The following MYO18B variants were observed in gnomAD, a reference collection of about 807,000 sequenced individuals.
The protein encoded by MYO18B is myosin XVIIIB, also known as unconventional myosin-XVIIIb.
MYO18B carries 204 observed loss-of-function variants against 273.0 expected under a neutral mutation model. That is an observed-to-expected ratio of 0.75 (90% CI 0.67 to 0.84). The LOEUF (loss-of-function observed/expected upper bound fraction) is 0.84, where lower values mean the gene tolerates loss of function less well. Ranked by LOEUF, MYO18B falls within the 40% of genes least tolerant of loss-of-function variation. MYO18B has a pLI of 0.00. For synonymous variants in MYO18B, 1,330 were observed against 1,305.7 expected, an observed-to-expected ratio of 1.02 and a Z score of -0.40; for missense variants, 3,212 against 3,287.6, an observed-to-expected ratio of 0.98 and a Z score of 0.56.
intron 39 of MYO18B, among the ~76,000 whole-genome samples, chr22:25,989,626 CAAAAAAAAAAAA>C (rs56004208): frequency 0.18 from 15,735 of 88,850 alleles, 1,104 homozygotes; most frequent in South Asian, 0.26. Flanking sequence ...ACTAAAAATA[CAAAAAAAAAAAA>C]AAAAAAAAAA....
intron 34 of MYO18B, among the ~76,000 whole-genome samples, chr22:25,941,120 G>T (rs1049321200): frequency 1.3e-5 from 2 of 152,162 alleles, no homozygotes; most frequent in Non-Finnish European, 2.9e-5. Context: ...AGTAAAAATT[G>T]GAAGAGAAAC....
intron 21 of MYO18B, among the ~76,000 whole-genome samples, chr22:25,865,204 G>C (rs1248370636): frequency 1.3e-5 from 2 of 152,216 alleles, no homozygotes; most frequent in Non-Finnish European, 1.5e-5. Context: ...CACTTTGCAG[G>C]TGGGGAAGAG....
chr22:25,755,464 C>G (rs1187797815), intron 1 of MYO18B, among the ~76,000 whole-genome samples: 2 of 152,210 alleles, frequency 1.3e-5, no homozygotes, highest in African/African-American at 4.8e-5. Flanking sequence ...CCTCGGCCTC[C>G]CAAAGTGTTG....
chr22:25,894,191 T>C (rs1199650316), intron 27 of MYO18B, among the ~76,000 whole-genome samples: 2 of 152,256 alleles, frequency 1.3e-5, no homozygotes, highest in African/African-American at 4.8e-5. Context: ...CTGATCATAC[T>C]AGGCTTCAGC....
At chr22:25,980,781 T>C (rs898718530) in intron 39 of MYO18B, among the ~76,000 whole-genome samples, 2 of 152,188 alleles carry the variant, frequency 1.3e-5, no homozygotes, top group Non-Finnish European at 2.9e-5. Context: ...GTTGTATTAG[T>C]TTTTTAGGGG....
intron 39 of MYO18B, among the ~76,000 whole-genome samples, chr22:25,988,190 G>T (rs945285248): frequency 2.0e-5 from 3 of 151,840 alleles, no homozygotes; most frequent in Non-Finnish European, 4.4e-5. Context: ...GGGGTCTCTG[G>T]CTGGGGCCTT....
At chr22:25,978,686 G>T (rs888340641) in intron 39 of MYO18B, among the ~76,000 whole-genome samples, 1 of 152,150 alleles carries the variant, frequency 6.6e-6, no homozygotes, top group Non-Finnish European at 1.5e-5. Flanking sequence ...AGGCATGGTC[G>T]CTCATGCCTG....
the MYO18B span, among the ~76,000 whole-genome samples, chr22:26,059,130 G>A: frequency 1.3e-5 from 2 of 152,220 alleles, no homozygotes; most frequent in Non-Finnish European, 1.5e-5. Context: ...CTATGAGGTA[G>A]ACTTGGACAA....
intron 39 of MYO18B, among the ~76,000 whole-genome samples, chr22:25,981,730 G>C (rs148091077): frequency 4.4e-4 from 67 of 152,318 alleles, no homozygotes; most frequent in African/African-American, 1.6e-3. Flanking sequence ...GGGCTACAAA[G>C]TGAGACCCTG....
intron 32 of MYO18B, 138 bp from the exon 33 acceptor site, chr22:25,910,808 C>T (rs2092141805): frequency 1.5e-6 from 1 of 666,854 alleles, no homozygotes; most frequent in East Asian, 2.8e-5. Flanking sequence ...GAGACACTAC[C>T]ACCCAATCAC....
At chr22:25,918,308 G>A (rs925054116) in intron 33 of MYO18B, among the ~76,000 whole-genome samples, 4 of 152,100 alleles carry the variant, frequency 2.6e-5, no homozygotes, top group African/African-American at 9.7e-5. Flanking sequence ...CTTTGACAAT[G>A]GACATTTGAC....
At chr22:25,915,251 G>A (rs933011893) in intron 33 of MYO18B, among the ~76,000 whole-genome samples, 5 of 152,114 alleles carry the variant, frequency 3.3e-5, no homozygotes, top group African/African-American at 4.8e-5. Context: ...TAGTGACAGG[G>A]ATACTTTCTG....
chr22:25,881,857 G>T, intron 25 of MYO18B, among the ~76,000 whole-genome samples: 1 of 151,532 alleles, frequency 6.6e-6, no homozygotes, highest in East Asian at 1.9e-4. Context: ...AGAGCAAAGG[G>T]AAATAAGAGT....
At chr22:26,043,677 A>AT in the MYO18B span, among the ~76,000 whole-genome samples, 203 of 147,400 alleles carry the variant, frequency 1.4e-3, 1 homozygote, top group African/African-American at 3.2e-3. Flanking sequence ...CGTCCGGCTA[A>AT]TTTTTTTTTT....
At chr22:25,834,567 A>C (rs1210574225) in intron 16 of MYO18B, among the ~76,000 whole-genome samples, 1 of 152,194 alleles carries the variant, frequency 6.6e-6, no homozygotes, top group Non-Finnish European at 1.5e-5. Context: ...TCCCGGGCAA[A>C]GTAGGACAGT....
At chr22:25,839,272 A>T (rs1001795763) in intron 17 of MYO18B, among the ~76,000 whole-genome samples, 2 of 151,998 alleles carry the variant, frequency 1.3e-5, no homozygotes, top group Non-Finnish European at 2.9e-5. Flanking sequence ...ATGTGTGTAT[A>T]TGTGTGTGTG....
At chr22:25,770,231 A>G in intron 5 of MYO18B, 55 bp downstream of exon 5, 2 of 1,551,398 alleles carry the variant, frequency 1.3e-6, no homozygotes, top group Non-Finnish European at 1.8e-6. Flanking sequence ...TGTGCCCCCT[A>G]CTGCTGCCAG....
intron 42 of MYO18B, among the ~76,000 whole-genome samples, chr22:26,017,111 CCCTT>C (rs76444799): frequency 7.3e-6 from 1 of 137,500 alleles, no homozygotes; most frequent in Non-Finnish European, 1.6e-5. Context: ...CTCACTCACT[CCCTT>C]CCTTCCTTCT....
chr22:25,968,185 CTGATTGGCCT>C (rs2092998971), intron 39 of MYO18B, among the ~76,000 whole-genome samples: 1 of 152,178 alleles, frequency 6.6e-6, no homozygotes, highest in African/African-American at 2.4e-5. Context: ...CTCATTGACC[CTGATTGGCCT>C]GGTTTGGGTT....
Sources: gnomAD v4.1 joint callset for allele counts (sites outside exome capture counted in the v4.1 genomes callset) on GRCh38, gnomAD v4.1.1 for gene constraint, MANE v1.5 for transcripts, NCBI Gene and HGNC (gene_info 2026-07-23, HGNC 2026-07-21) for gene names.